The following WDR7 variants were observed in gnomAD, a reference collection of about 807,000 sequenced individuals.
WDR7 encodes the protein WD repeat-containing protein 7.
WDR7 carries 46 observed loss-of-function variants against 169.4 expected under a neutral mutation model. The observed-to-expected ratio is 0.27, with a 90% CI of 0.21 to 0.35. The LOEUF is 0.35. Among genes scored for constraint, WDR7 ranks in the 10% least tolerant of loss-of-function variants. The probability of loss-of-function intolerance (pLI) is 1.00; values close to 1 mark genes in which losing one functional copy is unlikely to be tolerated. For synonymous variants in WDR7, 612 were observed against 666.8 expected (o/e 0.92, Z 1.27); for missense variants, 1,534 against 1,859.3 (o/e 0.83, Z 3.22).
chr18:56,938,649 G>A lies in WDR7; in HGVS notation c.3948G>A (p.Lys1316=), dbSNP rs760026279. The A allele has an allele frequency of 1.9e-6, 3 of 1,613,616 alleles. No individual in the cohort carries two copies. The Admixed American group carries it at 5.0e-5, about 27-fold the overall frequency. The change falls in exon 24 of 28, where the codon AAG becomes AAA. Residue 1316 remains lysine (K), a synonymous_variant. Transcript: ENST00000254442. ...GAGTCATTGAAATTCTTATTGAAAA[G>A]ATGCCCACAGATGTTGTGGATCTTC... ...ILRVIEILIE[K]MPTDVVDLLV...
At chr18:56,906,321 A>C (rs1334838872) in intron 21 of WDR7, among the ~76,000 whole-genome samples, 2 of 152,188 alleles carry the variant, frequency 1.3e-5, no homozygotes, top group Non-Finnish European at 2.9e-5. Context: ...CTGTAGATTA[A>C]GCGATTTAGG....
chr18:56,735,490 T>C (rs1280646676), intron 14 of WDR7, among the ~76,000 whole-genome samples: 1 of 152,092 alleles, frequency 6.6e-6, no homozygotes, highest in Non-Finnish European at 1.5e-5. Flanking sequence ...ATGGTATTAT[T>C]TTTTTCCTAA....
chr18:56,768,109 C>T (rs767398316), intron 16 of WDR7, among the ~76,000 whole-genome samples: 9 of 152,098 alleles, frequency 5.9e-5, no homozygotes, highest in Non-Finnish European at 8.8e-5. Context: ...TGTCATGATG[C>T]ATTATATATT....
At chr18:56,671,434 G>A (rs1183875841) in intron 1 of WDR7, among the ~76,000 whole-genome samples, 4 of 151,976 alleles carry the variant, frequency 2.6e-5, no homozygotes, top group African/African-American at 9.7e-5. Context: ...ACCATGCCTG[G>A]CTAATTTTTG....
At chr18:56,947,919 T>A (rs1338115353) in intron 25 of WDR7, among the ~76,000 whole-genome samples, 1 of 152,216 alleles carries the variant, frequency 6.6e-6, no homozygotes, top group African/African-American at 2.4e-5. Flanking sequence ...CTATCAAGGC[T>A]CCGTTAGAAA....
intron 12 of WDR7, among the ~76,000 whole-genome samples, chr18:56,698,492 G>A (rs1002212183): frequency 2.6e-5 from 4 of 151,790 alleles, no homozygotes; most frequent in African/African-American, 9.7e-5. Flanking sequence ...TGTAGTCCCA[G>A]CTACTTGGGA....
intron 7 of WDR7, among the ~76,000 whole-genome samples, chr18:56,689,626 T>C (rs994879828): frequency 5.3e-5 from 8 of 152,224 alleles, no homozygotes; most frequent in Admixed American, 5.2e-4. Context: ...AATTGTGAGA[T>C]ATAGATCCAA....
chr18:56,910,499 C>G (rs1383677293), intron 21 of WDR7, among the ~76,000 whole-genome samples: 1 of 152,122 alleles, frequency 6.6e-6, no homozygotes, highest in Non-Finnish European at 1.5e-5. Context: ...GGTATGTTTT[C>G]ACTCCTATAT....
At chr18:56,788,721 C>T (rs892687892) in intron 19 of WDR7, among the ~76,000 whole-genome samples, 2 of 152,072 alleles carry the variant, frequency 1.3e-5, no homozygotes, top group African/African-American at 4.8e-5. Flanking sequence ...CTAAAATACC[C>T]CTTTTGTAAT....
chr18:56,736,556 C>T (rs1329202942), intron 14 of WDR7, among the ~76,000 whole-genome samples: 1 of 150,714 alleles, frequency 6.6e-6, no homozygotes, highest in African/African-American at 2.4e-5. Context: ...AGAAATCATA[C>T]AGACGGATTC....
At chr18:56,928,020 G>C (rs997240505) in intron 22 of WDR7, among the ~76,000 whole-genome samples, 2 of 152,258 alleles carry the variant, frequency 1.3e-5, no homozygotes, top group African/African-American at 4.8e-5. Flanking sequence ...TAGTTATGAA[G>C]AGAGCGGGGG....
intron 20 of WDR7, among the ~76,000 whole-genome samples, chr18:56,827,953 G>T (rs1392443705): frequency 6.6e-6 from 1 of 152,178 alleles, no homozygotes; most frequent in Non-Finnish European, 1.5e-5. Flanking sequence ...CATAGTAAGT[G>T]CTCAATAAAT....
intron 2 of WDR7, among the ~76,000 whole-genome samples, chr18:56,676,658 T>G (rs2144546195): frequency 6.6e-6 from 1 of 152,270 alleles, no homozygotes; most frequent in South Asian, 2.1e-4. Flanking sequence ...AAAGGACAAC[T>G]AATAAAGACT....
At chr18:56,682,945 T>C (rs1247365237) in intron 5 of WDR7, 92 bp downstream of exon 5, 2 of 1,325,780 alleles carry the variant, frequency 1.5e-6, no homozygotes, top group Non-Finnish European at 2.1e-6. Flanking sequence ...ATTAATACTT[T>C]GGGATATATT....
intron 19 of WDR7, among the ~76,000 whole-genome samples, chr18:56,799,711 A>G (rs2044641628): frequency 6.6e-6 from 1 of 152,200 alleles, no homozygotes; most frequent in Non-Finnish European, 1.5e-5. Flanking sequence ...ATTTATGGTG[A>G]CAGAATTAAA....
At chr18:56,805,333 T>C (rs940011529) in intron 19 of WDR7, among the ~76,000 whole-genome samples, 1 of 152,180 alleles carries the variant, frequency 6.6e-6, no homozygotes, top group Non-Finnish European at 1.5e-5. Flanking sequence ...AAAAGCGCAC[T>C]GATCACTTCC....
At chr18:56,853,593 A>G (rs1166792191) in intron 20 of WDR7, among the ~76,000 whole-genome samples, 2 of 152,158 alleles carry the variant, frequency 1.3e-5, no homozygotes, top group African/African-American at 4.8e-5. Flanking sequence ...ACCCAAACCA[A>G]GAACTAGAAT....
intron 14 of WDR7, 70 bp downstream of exon 14, chr18:56,731,667 C>T: frequency 2.3e-6 from 3 of 1,298,434 alleles, no homozygotes; most frequent in Non-Finnish European, 3.2e-6. Context: ...ATGGCTTTGG[C>T]ATATCTTAGA....
chr18:56,799,501 A>C (rs1200233299), intron 19 of WDR7, among the ~76,000 whole-genome samples: 1 of 152,108 alleles, frequency 6.6e-6, no homozygotes, highest in Non-Finnish European at 1.5e-5. Context: ...ATAATATTTT[A>C]TGTGCTGTGG....
Sources: allele counts gnomAD v4.1 joint callset (sites outside exome capture counted in the v4.1 genomes callset), GRCh38; gene constraint gnomAD v4.1.1; transcripts MANE v1.5; gene names NCBI Gene and HGNC (gene_info 2026-07-23, HGNC 2026-07-21).